CLVS1: variants seen among roughly 807,000 people sequenced by gnomAD.
The protein encoded by CLVS1 is clavesin-1.
A neutral mutation model predicts 33.1 loss-of-function variants in CLVS1; 10 were observed. The observed-to-expected ratio is 0.30, with a 90% confidence interval of 0.19 to 0.51. The LOEUF (loss-of-function observed/expected upper bound fraction) is 0.51, where lower values mean the gene tolerates loss of function less well. CLVS1 is among the 20% of genes least tolerant of loss of function. CLVS1 has a pLI of 0.97. For synonymous variants in CLVS1, 163 were observed against 166.1 expected (o/e 0.98, Z 0.14); for missense variants, 343 against 433.4 (o/e 0.79, Z 1.85).
At chr8:61,388,874 T>C (rs1814189309) in intron 3 of CLVS1, among the ~76,000 whole-genome samples, 1 of 152,162 alleles carries the variant, frequency 6.6e-6, no homozygotes, top group African/African-American at 2.4e-5. Flanking sequence ...ATTCCCCCTA[T>C]CTGGCAATAA....
intron 3 of CLVS1, among the ~76,000 whole-genome samples, chr8:61,444,386 C>G (rs991445141): frequency 5.5e-4 from 83 of 152,080 alleles, no homozygotes; most frequent in African/African-American, 1.9e-3. Context: ...TTTAAAATCA[C>G]GTTTAGAAGG....
chr8:61,344,674 C>T (rs566790889), intron 2 of CLVS1, among the ~76,000 whole-genome samples: 2 of 152,244 alleles, frequency 1.3e-5, no homozygotes, highest in East Asian at 3.9e-4. Flanking sequence ...AGAGGACCCG[C>T]ATATAATGGG....
chr8:61,416,285 GCT>G (rs2129604337), intron 3 of CLVS1, among the ~76,000 whole-genome samples: 1 of 24,536 alleles, frequency 4.1e-5, no homozygotes, highest in African/African-American at 7.4e-5. Flanking sequence ...GAACAAGATA[GCT>G]AGCTAGCTAG....
At chr8:60,998,197 T>C in the CLVS1 span, among the ~76,000 whole-genome samples, 1 of 152,076 alleles carries the variant, frequency 6.6e-6, no homozygotes, top group Admixed American at 6.5e-5. Context: ...GGGCTGGTAG[T>C]TGGCAGCGAT....
chr8:61,242,724 A>C (rs1470424780), intron 2 of CLVS1, among the ~76,000 whole-genome samples: 5 of 151,984 alleles, frequency 3.3e-5, no homozygotes, highest in South Asian at 4.2e-4. Context: ...TGGGGCATTG[A>C]GTGAGCTGCA....
intron 2 of CLVS1, among the ~76,000 whole-genome samples, chr8:61,348,198 G>C (rs967571747): frequency 4.0e-5 from 6 of 151,746 alleles, no homozygotes; most frequent in Admixed American, 2.6e-4. Flanking sequence ...CTACATATAT[G>C]TGATATCATG....
chr8:60,967,739 G>A, the CLVS1 span: 1 of 454,056 alleles, frequency 2.2e-6, no homozygotes, highest in Non-Finnish European at 4.4e-6. Flanking sequence ...TGGCCAGGAG[G>A]AAGCATCTGC....
the CLVS1 span, among the ~76,000 whole-genome samples, chr8:60,974,213 G>A: frequency 6.6e-6 from 1 of 152,130 alleles, no homozygotes; most frequent in African/African-American, 2.4e-5. Context: ...AGCCTCTGTG[G>A]GGAGGTGAGA....
intron 2 of CLVS1, among the ~76,000 whole-genome samples, chr8:61,336,869 G>GA (rs1469426123): frequency 1.3e-5 from 2 of 151,818 alleles, no homozygotes; most frequent in African/African-American, 4.8e-5. Flanking sequence ...AAATAAACAG[G>GA]AAAAAATAAA....
chr8:61,260,420 C>A (rs963035055), intron 2 of CLVS1, among the ~76,000 whole-genome samples: 1 of 152,152 alleles, frequency 6.6e-6, no homozygotes, highest in Non-Finnish European at 1.5e-5. Flanking sequence ...AAGGAAGGAA[C>A]AAAACATTTT....
intron 1 of CLVS1, among the ~76,000 whole-genome samples, chr8:61,128,790 A>G (rs546881046): frequency 5.5e-4 from 83 of 152,258 alleles, no homozygotes; most frequent in Non-Finnish European, 1.0e-3. Context: ...TGGTTTAGAC[A>G]CTTCTTATAT....
chr8:61,112,294 C>G (rs1805643956), intron 1 of CLVS1, among the ~76,000 whole-genome samples: 1 of 151,816 alleles, frequency 6.6e-6, no homozygotes, highest in Admixed American at 6.6e-5. Context: ...ATAAGGCCTA[C>G]TTGATCATGG....
chr8:61,457,744 G>T (rs564765354), intron 4 of CLVS1, among the ~76,000 whole-genome samples: 1 of 152,114 alleles, frequency 6.6e-6, no homozygotes, highest in Non-Finnish European at 1.5e-5. Context: ...GAAACAAGAC[G>T]TAAATGAACA....
At chr8:61,242,779 C>G (rs1302153879) in intron 2 of CLVS1, among the ~76,000 whole-genome samples, 2 of 150,376 alleles carry the variant, frequency 1.3e-5, no homozygotes, top group Admixed American at 1.3e-4. Flanking sequence ...GGCAGCAGAG[C>G]AGGACCCTGC....
chr8:61,370,902 A>G (rs558934367), intron 2 of CLVS1, among the ~76,000 whole-genome samples: 102 of 152,212 alleles, frequency 6.7e-4, no homozygotes, highest in Non-Finnish European at 1.3e-3. Flanking sequence ...TCGTTGATTG[A>G]TGGACATTTG....
At chr8:61,004,506 G>C in the CLVS1 span, among the ~76,000 whole-genome samples, 2 of 152,224 alleles carry the variant, frequency 1.3e-5, no homozygotes, top group South Asian at 4.1e-4. Flanking sequence ...CCAGGACCAG[G>C]CCTGGTCTTT....
At chr8:61,047,595 T>C in the CLVS1 span, among the ~76,000 whole-genome samples, 3 of 152,298 alleles carry the variant, frequency 2.0e-5, no homozygotes, top group South Asian at 6.2e-4. Flanking sequence ...ATATACACCA[T>C]GGAATACTAT....
At chr8:61,099,806 G>A (rs935497618) in intron 1 of CLVS1, among the ~76,000 whole-genome samples, 1 of 152,126 alleles carries the variant, frequency 6.6e-6, no homozygotes, top group African/African-American at 2.4e-5. Context: ...CAGGCTACTG[G>A]GGATATAAAC....
At chr8:61,253,473 T>C (rs367864139) in intron 2 of CLVS1, among the ~76,000 whole-genome samples, 7 of 152,180 alleles carry the variant, frequency 4.6e-5, no homozygotes, top group Non-Finnish European at 8.8e-5. Context: ...GGCCTGCCTT[T>C]CTAGATTGGG....
Sources: gnomAD v4.1 joint callset for allele counts (sites outside exome capture counted in the v4.1 genomes callset) on GRCh38, gnomAD v4.1.1 for gene constraint, MANE v1.5 for transcripts, NCBI Gene and HGNC (gene_info 2026-07-23, HGNC 2026-07-21) for gene names.